EEFSEC: variants seen among roughly 807,000 people sequenced by gnomAD.
EEFSEC encodes eukaryotic elongation factor, selenocysteine-tRNA specific, also known as selenocysteine-specific elongation factor.
Under a neutral mutation model 42.1 loss-of-function variants are expected in EEFSEC, and 43 were observed. The ratio of observed to expected loss-of-function variants is 1.02; its 90% CI spans 0.80 to 1.32. The LOEUF is 1.32. Among genes scored for constraint, EEFSEC ranks in the 40% most tolerant of loss-of-function variants. The pLI is 0.00. For synonymous variants in EEFSEC, 354 were observed against 339.1 expected (o/e 1.04, Z -0.48); for missense variants, 745 against 803.6 (o/e 0.93, Z 0.88).
At chr3:128,383,910 G>A (rs1199736740) in intron 6 of EEFSEC, among the ~76,000 whole-genome samples, 1 of 152,266 alleles carries the variant, frequency 6.6e-6, no homozygotes, top group Non-Finnish European at 1.5e-5. Context: ...CTGTGGCAGG[G>A]TAGGAATCCA....
intron 5 of EEFSEC, among the ~76,000 whole-genome samples, chr3:128,355,579 T>C (rs1414712190): frequency 1.3e-5 from 2 of 149,646 alleles, no homozygotes; most frequent in South Asian, 2.1e-4. Flanking sequence ...GTTCATGTTA[T>C]TGTGTATCAG....
chr3:128,348,265 T>TGTGC (rs748008898), intron 5 of EEFSEC, among the ~76,000 whole-genome samples: 90 of 93,748 alleles, frequency 9.6e-4, no homozygotes, highest in African/African-American at 2.3e-3. Flanking sequence ...TGTGTGTGTG[T>TGTGC]GTGTGCGTGT....
chr3:128,209,402 A>G (rs559368548), intron 1 of EEFSEC, among the ~76,000 whole-genome samples: 1 of 152,246 alleles, frequency 6.6e-6, no homozygotes, highest in East Asian at 1.9e-4. Context: ...GGGGGAGTGT[A>G]GGAGGGGAAG....
chr3:128,328,353 T>C (rs1328977159), intron 4 of EEFSEC, among the ~76,000 whole-genome samples: 1 of 152,114 alleles, frequency 6.6e-6, no homozygotes, highest in African/African-American at 2.4e-5. Flanking sequence ...AAGGAGCCCA[T>C]GCCTCAAGCC....
At chr3:128,399,692 G>A (rs1272723399) in intron 6 of EEFSEC, among the ~76,000 whole-genome samples, 1 of 151,836 alleles carries the variant, frequency 6.6e-6, no homozygotes, top group Non-Finnish European at 1.5e-5. Context: ...CGCTGTCACT[G>A]CTCACAGAGG....
intron 1 of EEFSEC, among the ~76,000 whole-genome samples, chr3:128,164,582 G>C (rs944461888): frequency 6.6e-6 from 1 of 152,200 alleles, no homozygotes; most frequent in African/African-American, 2.4e-5. Flanking sequence ...GTGCGGCCAG[G>C]TTGGCTGGGT....
intron 6 of EEFSEC, chr3:128,367,614 C>G (rs1328918943): frequency 1.0e-6 from 1 of 984,602 alleles, no homozygotes; most frequent in Non-Finnish European, 1.2e-6. Context: ...CGTGAGACTG[C>G]AACATTGCTG....
intron 4 of EEFSEC, among the ~76,000 whole-genome samples, chr3:128,319,431 T>C (rs768374999): frequency 2.6e-5 from 4 of 152,204 alleles, no homozygotes; most frequent in Non-Finnish European, 4.4e-5. Flanking sequence ...CGTTCTGAGA[T>C]TGAGAGAATT....
chr3:128,319,771 C>T (rs2066987552), intron 4 of EEFSEC, among the ~76,000 whole-genome samples: 1 of 152,246 alleles, frequency 6.6e-6, no homozygotes, highest in South Asian at 2.1e-4. Flanking sequence ...GCTGTCCCTG[C>T]ACTGTGCTGC....
intron 1 of EEFSEC, among the ~76,000 whole-genome samples, chr3:128,163,339 C>T (rs921102427): frequency 1.3e-5 from 2 of 151,920 alleles, no homozygotes; most frequent in Non-Finnish European, 2.9e-5. Flanking sequence ...GGTGTGAACA[C>T]TTCACTCCAA....
chr3:128,302,314 G>A (rs183810184), intron 4 of EEFSEC, among the ~76,000 whole-genome samples: 304 of 152,226 alleles, frequency 2.0e-3, no homozygotes, highest in African/African-American at 7.0e-3. Flanking sequence ...ACTGCACCTG[G>A]TTTCAAAGCA....
At chr3:128,368,613 G>A (rs1382443304) in intron 6 of EEFSEC, among the ~76,000 whole-genome samples, 1 of 152,204 alleles carries the variant, frequency 6.6e-6, no homozygotes, top group African/African-American at 2.4e-5. Context: ...GCTGGTCAGG[G>A]CCACTTCCCG....
chr3:128,357,477 A>G (rs1468308003), intron 5 of EEFSEC, among the ~76,000 whole-genome samples: 1 of 152,240 alleles, frequency 6.6e-6, no homozygotes, highest in African/African-American at 2.4e-5. Context: ...GAAACGAGCA[A>G]TTCTGCCTGG....
In EEFSEC at chr3:128,358,176, C is replaced by T. The variant is rs367732429; in HGVS notation, c.1444-41C>T. On this transcript the variant is annotated intron_variant, in intron 5 of 6. Coordinates refer to ENST00000254730, the MANE Select transcript of EEFSEC (RefSeq NM_021937.5). The stretch of plus-strand genomic sequence containing the variant: ...ACAGTCACAGCTCTTTCAGTGTGCA[C>T]CACTAATGCCCTCTCTCTGTGGCTG... 9.3e-6 allele frequency: 15 copies of T among 1,604,404 alleles called. No homozygotes were observed. In the African/African-American group the frequency reaches 1.6e-4, roughly 17 times the overall value.
chr3:128,202,217 C>T (rs2065650644), intron 1 of EEFSEC, among the ~76,000 whole-genome samples: 1 of 151,670 alleles, frequency 6.6e-6, no homozygotes, highest in Admixed American at 6.6e-5. Flanking sequence ...TCAATTTCTA[C>T]AAAAAAAATA....
chr3:128,252,215 C>T (rs2066194834), intron 2 of EEFSEC, among the ~76,000 whole-genome samples: 1 of 152,236 alleles, frequency 6.6e-6, no homozygotes, highest in Admixed American at 6.5e-5. Flanking sequence ...CTGCCTCCCT[C>T]CCTGTGAATG....
At chr3:128,313,481 A>G (rs1390607189) in intron 4 of EEFSEC, among the ~76,000 whole-genome samples, 1 of 152,206 alleles carries the variant, frequency 6.6e-6, no homozygotes, top group Admixed American at 6.5e-5. Flanking sequence ...CCCTGTCACC[A>G]TCTAAGCTAG....
At chr3:128,285,648 C>A (rs919126924) in intron 4 of EEFSEC, among the ~76,000 whole-genome samples, 2 of 152,148 alleles carry the variant, frequency 1.3e-5, no homozygotes, top group Non-Finnish European at 2.9e-5. Context: ...TAGTTGTTTT[C>A]AAAAATTTAG....
chr3:128,195,390 A>G (rs1220782623), intron 1 of EEFSEC, among the ~76,000 whole-genome samples: 2 of 152,236 alleles, frequency 1.3e-5, no homozygotes, highest in Non-Finnish European at 2.9e-5. Flanking sequence ...TTAAAGAAAT[A>G]ATTAAATAGA....
Sources: allele counts gnomAD v4.1 joint callset (sites outside exome capture counted in the v4.1 genomes callset), GRCh38; gene constraint gnomAD v4.1.1; transcripts MANE v1.5; gene names NCBI Gene and HGNC (gene_info 2026-07-23, HGNC 2026-07-21).